Variants in SETBP1 observed in about 807,000 individuals in gnomAD.
SETBP1 encodes the protein SET binding protein 1.
A neutral mutation model predicts 101.0 loss-of-function variants in SETBP1; 9 were observed. That is an observed-to-expected ratio of 0.09 (90% CI 0.05 to 0.16). SETBP1 has a LOEUF of 0.16. Ranked by LOEUF, SETBP1 falls within the 10% of genes least tolerant of loss-of-function variation. SETBP1 has a pLI of 1.00. For synonymous variants in SETBP1, 818 were observed against 788.5 expected, an observed-to-expected ratio of 1.04 and a Z score of -0.63; for missense variants, 1,858 against 2,033.8, an observed-to-expected ratio of 0.91 and a Z score of 1.66.
chr18:44,680,421 C>G (rs1339044834), upstream of SETBP1: 2 of 151,774 alleles, frequency 1.3e-5, no homozygotes, highest in Non-Finnish European at 2.9e-5. Context: ...GACCTTGGCC[C>G]GGGAGCCCGG....
intron 2 of SETBP1, among the ~76,000 whole-genome samples, chr18:44,857,108 T>C (rs564218065): frequency 6.6e-6 from 1 of 152,306 alleles, no homozygotes; most frequent in Admixed American, 6.5e-5. Flanking sequence ...GAATACTGGG[T>C]TCTTTATTAA....
intron 2 of SETBP1, among the ~76,000 whole-genome samples, chr18:44,752,269 ATGAT>A (rs1375007433): frequency 6.6e-6 from 1 of 152,206 alleles, no homozygotes; most frequent in Non-Finnish European, 1.5e-5. Flanking sequence ...TGGTTCTTGA[ATGAT>A]TGATCATTAC....
chr18:44,755,941 C>T (rs533205897), intron 2 of SETBP1, among the ~76,000 whole-genome samples: 10 of 152,182 alleles, frequency 6.6e-5, no homozygotes, highest in East Asian at 1.9e-4. Context: ...ATTGGCCGGG[C>T]GCGGTGGCTC....
intron 4 of SETBP1, among the ~76,000 whole-genome samples, chr18:44,974,004 G>C (rs2071929700): frequency 6.6e-6 from 1 of 151,942 alleles, no homozygotes; most frequent in Non-Finnish European, 1.5e-5. Context: ...TTCATTGCTG[G>C]TCAATACCTA....
chr18:44,701,523 G>A lies in SETBP1; in HGVS notation c.177G>A (p.Glu59=). ...GCGGAGAGCGCATGGAGCCAGAGGA[G>A]GAGGATGAACTAGGCTCAGGGCGGG... ...PVGGERMEPE[E]EDELGSGRDV... is the part of the protein sequence containing the mutation. Residue 59 remains glutamate (E), a synonymous_variant, in exon 2 of 6, where the codon GAG becomes GAA. Coordinates refer to ENST00000649279, the MANE Select transcript of SETBP1 (RefSeq NM_015559.3). 1.2e-6 allele frequency: 2 copies of A among 1,614,096 alleles called. No individual in the cohort carries two copies. Among genetic ancestry groups the A allele is most frequent in the South Asian group, 1.1e-5 (1 of 91,070 alleles).
At chr18:44,986,942 T>TAG (rs1440036042) in intron 4 of SETBP1, 929 of 18,692 alleles carry the variant, frequency 0.05, 10 homozygotes, top group African/African-American at 0.16. Flanking sequence ...TAGTATAGTA[T>TAG]TGTATTGTAT....
chr18:44,702,978 T>C (rs1257641525), intron 2 of SETBP1, among the ~76,000 whole-genome samples: 1 of 152,186 alleles, frequency 6.6e-6, no homozygotes, highest in Non-Finnish European at 1.5e-5. Flanking sequence ...GTGGTGTCAA[T>C]TGGTTGGGAA....
intron 2 of SETBP1, among the ~76,000 whole-genome samples, chr18:44,748,487 C>A (rs2070310867): frequency 6.6e-6 from 1 of 152,204 alleles, no homozygotes. Context: ...CACTGCTTTT[C>A]CTAACAAAAC....
At chr18:44,896,709 C>T (rs1227450788) in intron 3 of SETBP1, among the ~76,000 whole-genome samples, 2 of 152,226 alleles carry the variant, frequency 1.3e-5, no homozygotes, top group East Asian at 1.9e-4. Flanking sequence ...AGGATGATCT[C>T]GGCCTCCCAA....
At chr18:44,725,598 G>A (rs1225721305) in intron 2 of SETBP1, among the ~76,000 whole-genome samples, 1 of 152,148 alleles carries the variant, frequency 6.6e-6, no homozygotes, top group Non-Finnish European at 1.5e-5. Flanking sequence ...GACCTTTCCT[G>A]AATTATAGGG....
intron 2 of SETBP1, among the ~76,000 whole-genome samples, chr18:44,757,166 G>A (rs763065375): frequency 3.3e-5 from 5 of 152,150 alleles, no homozygotes; most frequent in Non-Finnish European, 7.3e-5. Flanking sequence ...ATTTAGGGCA[G>A]TGGGGAAGGT....
intron 1 of SETBP1, among the ~76,000 whole-genome samples, chr18:44,700,725 T>A (rs2069101240): frequency 6.6e-6 from 1 of 152,154 alleles, no homozygotes. Context: ...CTGGGGGTTG[T>A]GCTCAGCTTT....
chr18:44,821,933 C>T (rs1403916892), intron 2 of SETBP1, among the ~76,000 whole-genome samples: 1 of 152,206 alleles, frequency 6.6e-6, no homozygotes, highest in Admixed American at 6.5e-5. Flanking sequence ...AGCACAGCCC[C>T]TCTTGTGTGG....
intron 3 of SETBP1, among the ~76,000 whole-genome samples, chr18:44,945,475 A>T (rs1265281622): frequency 6.6e-6 from 1 of 152,238 alleles, no homozygotes; most frequent in Non-Finnish European, 1.5e-5. Context: ...CATTCGACCT[A>T]GGCTCAATGT....
intron 3 of SETBP1, among the ~76,000 whole-genome samples, chr18:44,904,714 C>T (rs1168214414): frequency 1.3e-5 from 2 of 152,156 alleles, no homozygotes; most frequent in African/African-American, 4.8e-5. Flanking sequence ...ATGTTTCTGG[C>T]TAGTAAGCAA....
At chr18:44,862,844 G>C (rs183536354) in intron 2 of SETBP1, among the ~76,000 whole-genome samples, 3 of 152,162 alleles carry the variant, frequency 2.0e-5, no homozygotes, top group Non-Finnish European at 4.4e-5. Context: ...GGGTGAGAGG[G>C]ATGCTTTAGG....
chr18:44,997,510 A>G (rs1245965659), intron 4 of SETBP1, among the ~76,000 whole-genome samples: 7 of 152,176 alleles, frequency 4.6e-5, no homozygotes, highest in Non-Finnish European at 8.8e-5. Flanking sequence ...GTTTCCCCTT[A>G]GGTAGAGGTC....
intron 2 of SETBP1, among the ~76,000 whole-genome samples, chr18:44,812,006 A>G (rs2071873055): frequency 6.6e-6 from 1 of 152,210 alleles, no homozygotes; most frequent in Admixed American, 6.5e-5. Context: ...GGAGGCCCAG[A>G]AGCATCTGAC....
intron 4 of SETBP1, among the ~76,000 whole-genome samples, chr18:44,993,841 A>G (rs1352925609): frequency 1.3e-5 from 2 of 152,048 alleles, no homozygotes; most frequent in African/African-American, 4.8e-5. Flanking sequence ...CGGAGGACTT[A>G]CCCTACCACA....
Sources: gnomAD v4.1 joint callset for allele counts (sites outside exome capture counted in the v4.1 genomes callset) on GRCh38, gnomAD v4.1.1 for gene constraint, MANE v1.5 for transcripts, NCBI Gene and HGNC (gene_info 2026-07-23, HGNC 2026-07-21) for gene names.